RACGAP1: variants seen among roughly 807,000 people sequenced by gnomAD.
RACGAP1 encodes the protein rac GTPase-activating protein 1.
In RACGAP1, 30 loss-of-function variants were observed where a neutral mutation model predicts 78.1. The ratio of observed to expected loss-of-function variants is 0.38; its 90% CI spans 0.29 to 0.52. The LOEUF (loss-of-function observed/expected upper bound fraction) is 0.52, where lower values mean the gene tolerates loss of function less well. Among genes scored for constraint, RACGAP1 ranks in the 20% least tolerant of loss-of-function variants. The pLI is 0.82. For missense variants in RACGAP1, 587 were observed against 777.1 expected (o/e 0.76, Z 2.91); for synonymous variants, 231 against 264.8 (o/e 0.87, Z 1.24).
intron 2 of RACGAP1, among the ~76,000 whole-genome samples, chr12:50,008,626 G>A (rs903178608): frequency 2.6e-5 from 4 of 151,918 alleles, no homozygotes; most frequent in African/African-American, 7.3e-5. Flanking sequence ...CTGAGTAACT[G>A]GGACTACAGG....
chr12:50,004,119 C>T, intron 5 of RACGAP1, 116 bp downstream of exon 5: 1 of 1,385,286 alleles, frequency 7.2e-7, no homozygotes, highest in Non-Finnish European at 9.5e-7. Flanking sequence ...GAATCTATAA[C>T]ACATCAACTA....
At chr12:49,992,220 T>C (rs1555169481) in intron 14 of RACGAP1, 25 bp downstream of exon 14, 10 of 1,611,472 alleles carry the variant, frequency 6.2e-6, no homozygotes, top group Non-Finnish European at 6.8e-6. Flanking sequence ...CAAGTTCACA[T>C]ACACACACAC....
rs539564596 is a variant in RACGAP1, at chr12:50,018,459, G to C, written c.-4-1740C>G. 1,576 of 1,020,164 alleles carry C rather than the reference G, an allele frequency of 1.5e-3. 6 individuals are homozygous for C. Among genetic ancestry groups the C allele is most frequent in the South Asian group, 3.0e-3 (225 of 74,298 alleles). The allele number at this position is 1,020,164 out of a possible 1,614,324, so 63.2% of individuals were successfully genotyped here. ...GATAGCATTAAAACCGGCAGGAAGA[G>C]CTGTGGAATTCATGGAGATGCCATG... On this transcript the variant is annotated intron_variant, in intron 1 of 16. Coordinates refer to ENST00000312377, the MANE Select transcript of RACGAP1 (RefSeq NM_001319999.2).
intron 1 of RACGAP1, chr12:50,018,630 T>C (rs534692734): frequency 8.9e-7 from 1 of 1,120,400 alleles, no homozygotes; most frequent in Non-Finnish European, 1.2e-6. Flanking sequence ...AGTTTTAATA[T>C]AAGGTATTAC....
chr12:50,032,764 C>T (rs1257356725), intron 1 of RACGAP1, among the ~76,000 whole-genome samples: 1 of 152,200 alleles, frequency 6.6e-6, no homozygotes, highest in African/African-American at 2.4e-5. Flanking sequence ...TTTAATCTCC[C>T]ATGTCCGGCG....
At chr12:50,005,558 T>C (rs1410920213) in intron 3 of RACGAP1, among the ~76,000 whole-genome samples, 166 bp from the exon 4 acceptor site, 1 of 152,214 alleles carries the variant, frequency 6.6e-6, no homozygotes, top group African/African-American at 2.4e-5. Flanking sequence ...CAAACCCAGA[T>C]TGTGTCTCTG....
At chr12:50,020,772 G>T (rs1424607390) in intron 1 of RACGAP1, among the ~76,000 whole-genome samples, 1 of 152,172 alleles carries the variant, frequency 6.6e-6, no homozygotes, top group African/African-American at 2.4e-5. Context: ...CAAGGAAACA[G>T]CAAAATTTGG....
chr12:50,012,712 T>TTG (rs1949423722), intron 2 of RACGAP1, among the ~76,000 whole-genome samples: 1 of 151,170 alleles, frequency 6.6e-6, no homozygotes, highest in South Asian at 2.1e-4. Flanking sequence ...TGAGCTGAGA[T>TTG]CGTACCACTG....
chr12:49,994,606 C>T, intron 10 of RACGAP1, 97 bp from the exon 11 acceptor site: 1 of 1,481,364 alleles, frequency 6.8e-7, no homozygotes, highest in Admixed American at 2.6e-5. Context: ...TATTCTCAAA[C>T]TGGGACATCA....
intron 2 of RACGAP1, among the ~76,000 whole-genome samples, chr12:50,015,094 G>A (rs542023237): frequency 6.6e-6 from 1 of 150,744 alleles, no homozygotes; most frequent in East Asian, 2.0e-4. Context: ...TGCCCAGGCT[G>A]GTCTCAAACT....
intron 1 of RACGAP1, chr12:50,025,180 G>A: frequency 4.1e-6 from 2 of 483,976 alleles, no homozygotes; most frequent in Non-Finnish European, 5.4e-6. Flanking sequence ...AAAACCCGGC[G>A]CCAAGACAGA....
intron 1 of RACGAP1, among the ~76,000 whole-genome samples, chr12:50,019,408 TATG>T (rs1417941880): frequency 1.3e-5 from 2 of 152,128 alleles, no homozygotes; most frequent in Non-Finnish European, 2.9e-5. Flanking sequence ...TAGCATTTAA[TATG>T]ATGCTCACAA....
upstream of RACGAP1, among the ~76,000 whole-genome samples, chr12:50,026,116 C>T (rs1253946277): frequency 5.3e-5 from 8 of 152,198 alleles, no homozygotes; most frequent in African/African-American, 1.9e-4. Context: ...TGGCATTGTG[C>T]TAGCACAGGA....
At position 49,990,115 on chromosome 12, in the gene RACGAP1, T is replaced by C. The variant is rs1592117977; in HGVS notation, c.*153A>G. 1 of 561,478 alleles carries C rather than the reference T, an allele frequency of 1.8e-6. No homozygotes were observed. Among genetic ancestry groups the C allele is most frequent in the Non-Finnish European group, 3.1e-6 (1 of 317,644 alleles). 34.8% of individuals were successfully genotyped at this position (561,478 alleles called of 1,614,324 possible). On this transcript the variant is annotated 3_prime_UTR_variant, in exon 17 of 17. Transcript: ENST00000312377. ...GAGGAGAAGGAAGGGGAGATATATATAGTTTTAATAAAACCCTCATGCACA... is the reference window on the plus strand; with the variant it reads ...GAGGAGAAGGAAGGGGAGATATATACAGTTTTAATAAAACCCTCATGCACA...
chr12:50,000,305 G>A (rs1001879805), intron 7 of RACGAP1, among the ~76,000 whole-genome samples: 4 of 151,918 alleles, frequency 2.6e-5, no homozygotes, highest in Non-Finnish European at 2.9e-5. Context: ...GAGCCACCGC[G>A]CCTGGCCGAC....
intron 5 of RACGAP1, among the ~76,000 whole-genome samples, chr12:50,002,911 C>A (rs558188793): frequency 6.6e-6 from 1 of 151,764 alleles, no homozygotes; most frequent in South Asian, 2.1e-4. Flanking sequence ...GCAGTCCCAG[C>A]TACTCTGGAG....
intron 1 of RACGAP1, chr12:50,018,628 T>C: frequency 1.8e-6 from 2 of 1,124,780 alleles, no homozygotes; most frequent in Admixed American, 2.3e-5. Flanking sequence ...GTAGTTTTAA[T>C]ATAAGGTATT....
chr12:50,013,975 C>T (rs1949503374), intron 2 of RACGAP1, among the ~76,000 whole-genome samples: 1 of 152,102 alleles, frequency 6.6e-6, no homozygotes, highest in African/African-American at 2.4e-5. Flanking sequence ...ATTAGTATGC[C>T]ATTGTGGTTA....
intron 15 of RACGAP1, among the ~76,000 whole-genome samples, chr12:49,991,360 C>T (rs548276405): frequency 1.4e-5 from 2 of 145,396 alleles, no homozygotes; most frequent in African/African-American, 5.1e-5. Flanking sequence ...ATGTTAATAC[C>T]TACTAGAACA....
Sources: gnomAD v4.1 joint callset for allele counts (sites outside exome capture counted in the v4.1 genomes callset) on GRCh38, gnomAD v4.1.1 for gene constraint, MANE v1.5 for transcripts, NCBI Gene and HGNC (gene_info 2026-07-23, HGNC 2026-07-21) for gene names.